The following UNC13B variants were observed in gnomAD, a reference collection of about 807,000 sequenced individuals.
UNC13B encodes the protein unc-13 homolog B.
UNC13B carries 144 observed loss-of-function variants against 211.0 expected under a neutral mutation model. The observed-to-expected ratio is 0.68, with a 90% CI of 0.60 to 0.78. The LOEUF is 0.78. Among genes scored for constraint, UNC13B ranks in the 30% least tolerant of loss-of-function variants. UNC13B has a pLI of 0.00. For missense variants in UNC13B, 1,777 were observed against 2,002.0 expected (o/e 0.89, Z 2.14); for synonymous variants, 709 against 725.8 (o/e 0.98, Z 0.37).
intron 7 of UNC13B, among the ~76,000 whole-genome samples, chr9:35,286,528 T>C (rs914008578): frequency 6.6e-6 from 1 of 151,928 alleles, no homozygotes; most frequent in African/African-American, 2.4e-5. Context: ...TTCCCTTTCC[T>C]TCAGGAAAGG....
At position 35,307,520 on chromosome 9, in the gene UNC13B, C is replaced by T. The variant is rs1829984440; in HGVS notation, c.8116C>T (p.Leu2706=). Residue 2706 remains leucine (L), a synonymous_variant, in exon 9 of 40, where the codon CTG becomes TTG. Transcript: ENST00000635942. ...CAGTTCACTAGAAACTGATACTATG[C>T]TGTTCAATGATGCAAGTGTGAGCCA... ...PASSLETDTM[L]FNDASVSQST... 2.5e-6 allele frequency: 1 copy of T among 399,028 alleles called. No homozygotes were observed. 24.7% of individuals were successfully genotyped at this position (399,028 alleles called of 1,614,324 possible).
intron 11 of UNC13B, among the ~76,000 whole-genome samples, chr9:35,329,062 C>T (rs1447388893): frequency 3.3e-5 from 5 of 152,060 alleles, no homozygotes; most frequent in Middle Eastern, 3.4e-3. Flanking sequence ...TGAGCCACCT[C>T]GCCCAGCCCC....
intron 1 of UNC13B, among the ~76,000 whole-genome samples, chr9:35,199,433 G>A (rs1019224097): frequency 1.3e-5 from 2 of 151,916 alleles, no homozygotes; most frequent in Admixed American, 6.6e-5. Context: ...CTTCCACAAT[G>A]GTTGAACTAG....
At chr9:35,341,973 G>A (rs1396673946) in intron 11 of UNC13B, 10 of 985,462 alleles carry the variant, frequency 1.0e-5, no homozygotes, top group African/African-American at 1.7e-5. Flanking sequence ...TCAGCAGGCT[G>A]ATCTCAGAAT....
At chr9:35,166,250 T>C (rs1037768221) in intron 1 of UNC13B, among the ~76,000 whole-genome samples, 1 of 151,974 alleles carries the variant, frequency 6.6e-6, no homozygotes, top group African/African-American at 2.4e-5. Flanking sequence ...GGTGTGGTGG[T>C]GCTCACCTGT....
At chr9:35,283,293 C>T (rs1828613003) in intron 7 of UNC13B, among the ~76,000 whole-genome samples, 2 of 152,112 alleles carry the variant, frequency 1.3e-5, no homozygotes, top group South Asian at 4.1e-4. Flanking sequence ...TCTGTGTATC[C>T]ATAGTACCTT....
chr9:35,312,137 G>A (rs1830209981), intron 10 of UNC13B, among the ~76,000 whole-genome samples: 1 of 152,120 alleles, frequency 6.6e-6, no homozygotes, highest in Non-Finnish European at 1.5e-5. Flanking sequence ...TGCCCACTGG[G>A]GTAGAGTGAT....
chr9:35,246,958 C>A (rs1826138185), intron 6 of UNC13B, among the ~76,000 whole-genome samples: 1 of 152,200 alleles, frequency 6.6e-6, no homozygotes, highest in Non-Finnish European at 1.5e-5. Flanking sequence ...TGGCCATTTT[C>A]ATGATATTGA....
intron 23 of UNC13B, 130 bp from the exon 24 acceptor site, chr9:35,386,035 C>A: frequency 6.7e-7 from 1 of 1,481,552 alleles, no homozygotes; most frequent in Non-Finnish European, 9.1e-7. Flanking sequence ...CTGGCAATTT[C>A]ATCACAGGGA....
At chr9:35,178,741 A>G (rs1281537678) in intron 1 of UNC13B, among the ~76,000 whole-genome samples, 1 of 151,756 alleles carries the variant, frequency 6.6e-6, no homozygotes, top group Non-Finnish European at 1.5e-5. Flanking sequence ...AAATACTAAA[A>G]TTAACTGGGT....
At chr9:35,354,506 C>T (rs374072849) in intron 11 of UNC13B, among the ~76,000 whole-genome samples, 67 of 152,160 alleles carry the variant, frequency 4.4e-4, no homozygotes, top group African/African-American at 1.5e-3. Context: ...CCATCTCCCC[C>T]TAAAAGCTGC....
chr9:35,191,862 C>G (rs1822679095), intron 1 of UNC13B, among the ~76,000 whole-genome samples: 1 of 152,178 alleles, frequency 6.6e-6, no homozygotes, highest in Non-Finnish European at 1.5e-5. Flanking sequence ...CTTATAGGGT[C>G]CTGGGTCTGC....
intron 1 of UNC13B, among the ~76,000 whole-genome samples, chr9:35,177,471 C>T (rs201128884): frequency 6.6e-6 from 1 of 152,114 alleles, no homozygotes; most frequent in African/African-American, 2.4e-5. Flanking sequence ...TCTTGACTAC[C>T]AAGCCACAAT....
chr9:35,276,368 C>T (rs1828176687), intron 7 of UNC13B, among the ~76,000 whole-genome samples: 2 of 151,140 alleles, frequency 1.3e-5, no homozygotes, highest in Admixed American at 1.3e-4. Flanking sequence ...CTGTTGCTTT[C>T]CATAGCAAAG....
Position 35,396,889 on chromosome 9 carries a change from A to ATC in UNC13B, c.11485_11486dup (p.Leu3830ProfsTer59). The ATC allele has an allele frequency of 4.3e-6, 7 of 1,614,152 alleles. No individual in the cohort carries two copies. Among genetic ancestry groups the ATC allele is most frequent in the Non-Finnish European group, 5.9e-6 (7 of 1,180,032 alleles). On this transcript the variant is annotated frameshift_variant, in exon 28 of 40. Coordinates refer to ENST00000635942, the MANE Select transcript of UNC13B (RefSeq NM_001371189.2). LOFTEE classifies it high-confidence loss of function. ...AATGGCTGGATGAGAATGAGGATGT[A>ATC]TCCCTGGAATTCCTGCGTGGGGCCC...
intron 1 of UNC13B, among the ~76,000 whole-genome samples, chr9:35,199,025 G>A (rs1446009082): frequency 2.0e-5 from 3 of 152,002 alleles, no homozygotes; most frequent in Non-Finnish European, 4.4e-5. Context: ...CCTACTGCAC[G>A]ACAGGCCCCA....
rs549447412 is a variant in UNC13B, at chr9:35,334,897, G to C, written c.9414+20908G>C. 7.2e-5 allele frequency among the ~76,000 whole-genome samples: 11 copies of C among 152,216 alleles called. No homozygotes were observed. The East Asian group carries it at 2.1e-3, about 29-fold the overall frequency. ...TACTAAAAGTACAAAAATTATCCGG[G>C]CTTGGTGGCGGGCACCTGTAATCCC... On this transcript the variant is annotated intron_variant, in intron 11 of 39. Transcript: ENST00000635942.
At chr9:35,191,281 A>G (rs192785777) in intron 1 of UNC13B, among the ~76,000 whole-genome samples, 1 of 152,292 alleles carries the variant, frequency 6.6e-6, no homozygotes, top group Non-Finnish European at 1.5e-5. Context: ...AGGGGTGATA[A>G]GTAACTTTTG....
intron 12 of UNC13B, among the ~76,000 whole-genome samples, chr9:35,368,387 T>A (rs534255352): frequency 8.5e-5 from 13 of 152,350 alleles, no homozygotes; most frequent in Middle Eastern, 3.4e-3. Context: ...AAGGACATGA[T>A]CTCGTTCTTT....
Sources: gnomAD v4.1 joint callset for allele counts (sites outside exome capture counted in the v4.1 genomes callset) on GRCh38, gnomAD v4.1.1 for gene constraint, MANE v1.5 for transcripts, NCBI Gene and HGNC (gene_info 2026-07-23, HGNC 2026-07-21) for gene names.